The following NUP43 variants were observed in gnomAD, a reference collection of about 807,000 sequenced individuals.
NUP43 encodes nucleoporin 43.
NUP43 carries 32 observed loss-of-function variants against 47.3 expected under a neutral mutation model. That is an observed-to-expected ratio of 0.68 (90% CI 0.51 to 0.91). The LOEUF is 0.91. NUP43 is among the 40% of genes least tolerant of loss of function. The pLI is 0.00. For missense variants in NUP43, 444 were observed against 453.9 expected, an observed-to-expected ratio of 0.98 and a Z score of 0.20; for synonymous variants, 147 against 158.4, an observed-to-expected ratio of 0.93 and a Z score of 0.54.
rs532121492 is a variant in NUP43, at chr6:149,726,971, A to G, written c.1141T>C (p.Ter381GlnextTer14). 3 of 1,609,834 alleles carry G rather than the reference A, an allele frequency of 1.9e-6. No homozygotes were observed. Among genetic ancestry groups the G allele is most frequent in the African/African-American group, 1.3e-5 (1 of 74,940 alleles). The change falls in exon 8 of 8, where the codon TAG becomes CAG. Residue 381 changes from the stop codon to glutamine (Q), a stop_lost. Coordinates refer to ENST00000340413, the MANE Select transcript of NUP43 (RefSeq NM_198887.3). ...GAAATCTTATAATTATAGTACTTCT[A>G]CGAAAAAAGATGTCTAGTAACATAA... Reference protein sequence around the residue: ...AIYVTRHLFS* With the variant: ...AIYVTRHLFSQ
In NUP43 at chr6:149,738,702, T is replaced by G; in HGVS notation, c.579A>C (p.Gly193=). The part of the protein sequence containing the change: ...TPEILTVNSI[G]QLKIWDFRQQ... ...GTCTGAAATCCCATATTTTCAACTG[T>G]CCAATTGAATTTACAGTAAGAATCT... The change falls in exon 5 of 8, where the codon GGA becomes GGC. Residue 193 remains glycine, a synonymous_variant. Transcript: ENST00000340413. The G allele has an allele frequency of 6.3e-7, 1 of 1,596,336 alleles. No homozygotes were observed. Among genetic ancestry groups the G allele is most frequent in the Non-Finnish European group, 8.5e-7 (1 of 1,171,238 alleles).
intron 7 of NUP43, among the ~76,000 whole-genome samples, chr6:149,730,391 A>G (rs1397654000): frequency 1.3e-5 from 2 of 152,174 alleles, no homozygotes; most frequent in Non-Finnish European, 2.9e-5. Context: ...TTGGCAATGC[A>G]ATATGAAAGA....
At position 149,726,906 on chromosome 6, in the gene NUP43, C is replaced by G; in HGVS notation, c.*63G>C. 7.6e-7 allele frequency: 1 copy of G among 1,317,250 alleles called. No homozygotes were observed. The allele number at this position is 1,317,250 out of a possible 1,614,324, so 81.6% of individuals were successfully genotyped here. On this transcript the variant is annotated 3_prime_UTR_variant, in exon 8 of 8. Transcript: ENST00000340413. ...TATTTTCTGATACTAAAATTTTGCA[C>G]AGAAGTTGGATTTCAAAAGGCTAAT...
At position 149,736,637 on chromosome 6, in the gene NUP43, A is replaced by G; in HGVS notation, c.639-15T>C. The G allele has an allele frequency of 1.3e-6, 2 of 1,565,840 alleles. No homozygotes were observed. Among genetic ancestry groups the G allele is most frequent in the Non-Finnish European group, 8.7e-7 (1 of 1,143,678 alleles). ...GGTCACCAGTCCTTTTGTGGGAGATAACAATGACGTCAAAATCAAATAAAG... is the reference window on the plus strand; with the variant it reads ...GGTCACCAGTCCTTTTGTGGGAGATGACAATGACGTCAAAATCAAATAAAG... On this transcript the variant is annotated splice_polypyrimidine_tract_variant and intron_variant, in intron 5 of 7. Transcript: ENST00000340413.
rs750863012 is a variant in NUP43, at chr6:149,746,020, A to G, written c.163T>C (p.Leu55=). The change falls in exon 2 of 8, where the codon TTG becomes CTG. Residue 55 remains leucine, a synonymous_variant. Transcript: ENST00000340413. ...SLWSIGDFGN[L]DSDGGFEGDH... ...CCTTCAAACCCTCCATCAGAGTCCA[A>G]GTTTCCAAAATCTCCAATAGACCAC... is the stretch of plus-strand genomic sequence containing the variant. 4 of 1,613,834 alleles carry G rather than the reference A, an allele frequency of 2.5e-6. No individual in the cohort carries two copies. In the South Asian group the frequency reaches 4.4e-5, roughly 18 times the overall value.
upstream of NUP43, chr6:149,746,666 G>A (rs755291998): frequency 2.6e-6 from 4 of 1,556,414 alleles, no homozygotes; most frequent in Admixed American, 5.8e-5. Context: ...CCTAGACTGA[G>A]AGGCCCACCC....
At position 149,725,791 on chromosome 6, in the gene NUP43, T is replaced by A. The variant is rs1315875386; in HGVS notation, c.*1178A>T. Reference sequence around the variant, plus strand: ...CATTAAATTATCTTAAAACACTACATTAGTTCATTATTATCCCTGCAGACA... The same window carrying A: ...CATTAAATTATCTTAAAACACTACAATAGTTCATTATTATCCCTGCAGACA... On this transcript the variant is annotated 3_prime_UTR_variant, in exon 8 of 8. Coordinates refer to ENST00000340413, the MANE Select transcript of NUP43 (RefSeq NM_198887.3). 6.6e-6 allele frequency: 1 copy of A among 152,144 alleles called. No homozygotes were observed. The allele number at this position is 152,144 out of a possible 1,614,324, so 9.4% of individuals were successfully genotyped here. A position where few individuals can be genotyped will look rare whatever the true frequency, so the allele number is the denominator to read the frequency against.
intron 6 of NUP43, among the ~76,000 whole-genome samples, chr6:149,735,979 A>G: frequency 6.8e-6 from 1 of 147,072 alleles, no homozygotes; most frequent in African/African-American, 2.5e-5. Context: ...TCTCTTTAAA[A>G]AAAAAAAAAA....
chr6:149,729,789 GCTCA>G (rs1784944756), intron 7 of NUP43, among the ~76,000 whole-genome samples: 1 of 151,906 alleles, frequency 6.6e-6, no homozygotes, highest in Non-Finnish European at 1.5e-5. Context: ...ATTTCGTTCT[GCTCA>G]CTGTTACACG....
intron 6 of NUP43, among the ~76,000 whole-genome samples, chr6:149,735,330 T>C (rs979401610): frequency 6.6e-6 from 1 of 152,148 alleles, no homozygotes; most frequent in Admixed American, 6.6e-5. Flanking sequence ...AGCCTGGAAC[T>C]ACAGGCATGT....
rs1038576672 is a variant in NUP43, at chr6:149,741,961, C to A, written c.502+429G>T. 4.0e-5 allele frequency among the ~76,000 whole-genome samples: 6 copies of A among 150,834 alleles called. No homozygotes were observed. In the East Asian group the frequency reaches 1.2e-3, roughly 30 times the overall value. ...ACAACCTCCACCTCTCAGGTTCAAG[C>A]GATTCTCCTGCCTCAGCCTCCTGAG... is the stretch of plus-strand genomic sequence containing the variant. On this transcript the variant is annotated intron_variant, in intron 4 of 7. Coordinates refer to ENST00000340413, the MANE Select transcript of NUP43 (RefSeq NM_198887.3).
Position 149,746,416 on chromosome 6 carries a change from T to C in NUP43, c.80A>G (p.Gln27Arg). 6.2e-7 allele frequency: 1 copy of C among 1,614,218 alleles called. No individual in the cohort carries two copies. Among genetic ancestry groups the C allele is most frequent in the Middle Eastern group, 1.6e-4 (1 of 6,062 alleles). The change falls in exon 1 of 8, where the codon CAG (glutamine) becomes CGG (arginine). Residue 27 changes from glutamine (Q) to arginine (R), a missense_variant. By Grantham distance (43) the Gln-to-Arg change is conservative (BLOSUM62 1). Transcript: ENST00000340413. ...TCCTGTAGCGAACGTCTCCGCGGTC[T>C]GTAAACTTCCCGGAGGCAGCGGTCG... Reference protein sequence around the residue: ...RWRPLPPGSLQTAETFATGSW... With the variant: ...RWRPLPPGSLRTAETFATGSW...
chr6:149,732,117 G>C (rs549568353), intron 6 of NUP43, among the ~76,000 whole-genome samples: 12 of 151,122 alleles, frequency 7.9e-5, no homozygotes, highest in Admixed American at 6.6e-4. Flanking sequence ...GGGAGGCGGA[G>C]GTTGCAGTGA....
In NUP43 at chr6:149,732,996, C is replaced by T. The variant is rs1170635516; in HGVS notation, c.791-1261G>A. Among the ~76,000 whole-genome samples the T allele has an allele frequency of 1.3e-5, 2 of 152,112 alleles. 1 individual carries two copies. The highest frequency in any genetic ancestry group is 4.8e-5 in the African/African-American group (2 of 41,396). On this transcript the variant is annotated intron_variant, in intron 6 of 7. Coordinates refer to ENST00000340413, the MANE Select transcript of NUP43 (RefSeq NM_198887.3). ...TCTACTCCTGGCGTCAAGCAATCCTCCTGCCTCAGCCTCCCAAAAGTGCTG... is the reference window on the plus strand; with the variant it reads ...TCTACTCCTGGCGTCAAGCAATCCTTCTGCCTCAGCCTCCCAAAAGTGCTG...
chr6:149,729,495 C>T (rs1784929144), intron 7 of NUP43: 1 of 983,994 alleles, frequency 1.0e-6, no homozygotes, highest in Non-Finnish European at 1.2e-6. Flanking sequence ...TAGTTTCAGC[C>T]TGGTTGAGGG....
rs1334858847 is a variant in NUP43 at position 149,726,940 on chromosome 6, C to T, written c.*29G>A. ...GATTTCAAAAGGCTAATTGCATGTT[C>T]TATCTGAAATCTTATAATTATAGTA... On this transcript the variant is annotated 3_prime_UTR_variant, in exon 8 of 8. Transcript: ENST00000340413. 6.4e-7 allele frequency: 1 copy of T among 1,559,632 alleles called. No individual in the cohort carries two copies. Among genetic ancestry groups the T allele is most frequent in the Non-Finnish European group, 8.8e-7 (1 of 1,133,706 alleles).
rs904826916 is a variant in NUP43 at position 149,724,379 on chromosome 6, A to G, written c.*2590T>C. ...CCCTGACATTAAAGCGTCCCAACACAAAGCAGATTCGAACATAACAACTGG... is the reference window on the plus strand; with the variant it reads ...CCCTGACATTAAAGCGTCCCAACACGAAGCAGATTCGAACATAACAACTGG... On this transcript the variant is annotated 3_prime_UTR_variant, in exon 8 of 8. Transcript: ENST00000340413. 1 of 152,136 alleles carries G rather than the reference A, an allele frequency of 6.6e-6. No homozygotes were observed. Among genetic ancestry groups the G allele is most frequent in the Admixed American group, 6.6e-5 (1 of 15,242 alleles). 9.4% of individuals were successfully genotyped at this position (152,136 alleles called of 1,614,324 possible). A position where few individuals can be genotyped will look rare whatever the true frequency, so the allele number is the denominator to read the frequency against.
intron 7 of NUP43, chr6:149,729,613 G>A (rs773584489): frequency 7.6e-6 from 6 of 785,468 alleles, no homozygotes; most frequent in Non-Finnish European, 9.3e-6. Flanking sequence ...CTTCCTATTT[G>A]TTCTCCCAGC....
intron 5 of NUP43, among the ~76,000 whole-genome samples, chr6:149,738,124 C>T (rs953280146): frequency 7.9e-5 from 12 of 152,016 alleles, no homozygotes; most frequent in South Asian, 2.1e-4. Flanking sequence ...AAAGACAATC[C>T]GATGGTAAGA....
Sources: gnomAD v4.1 joint callset for allele counts (sites outside exome capture counted in the v4.1 genomes callset) on GRCh38, gnomAD v4.1.1 for gene constraint, MANE v1.5 for transcripts, NCBI Gene and HGNC (gene_info 2026-07-23, HGNC 2026-07-21) for gene names.